Variants in AGAP1 observed in about 807,000 individuals in gnomAD.
The protein encoded by AGAP1 is arf-GAP with GTPase, ANK repeat and PH domain-containing protein 1.
Under a neutral mutation model 105.3 loss-of-function variants are expected in AGAP1, and 29 were observed. The ratio of observed to expected loss-of-function variants is 0.28; its 90% CI spans 0.21 to 0.38. The LOEUF is 0.38. AGAP1 is among the 10% of genes least tolerant of loss of function. AGAP1 has a pLI of 1.00. For missense variants in AGAP1, 998 were observed against 1,165.1 expected (o/e 0.86, Z 2.09); for synonymous variants, 509 against 485.9 (o/e 1.05, Z -0.63).
At chr2:236,098,616 TTTCC>T (rs2059252835) in intron 16 of AGAP1, among the ~76,000 whole-genome samples, 1 of 88,208 alleles carries the variant, frequency 1.1e-5, no homozygotes, top group African/African-American at 4.4e-5. Context: ...GAAATCTTTT[TTTCC>T]TTTTTTTTTT....
At chr2:235,547,311 A>G (rs1229380189) in intron 1 of AGAP1, among the ~76,000 whole-genome samples, 1 of 150,066 alleles carries the variant, frequency 6.7e-6, no homozygotes, top group African/African-American at 2.5e-5. Flanking sequence ...CTTTCCTCCT[A>G]TCACCTGAAT....
chr2:235,610,607 C>G lies in AGAP1; in HGVS notation c.164-98572C>G, dbSNP rs1222343729. Among the ~76,000 whole-genome samples the G allele has an allele frequency of 6.6e-6, 1 of 152,164 alleles. No homozygotes were observed. Among genetic ancestry groups the G allele is most frequent in the African/African-American group, 2.4e-5 (1 of 41,434 alleles). The stretch of plus-strand genomic sequence containing the variant: ...CCTTCCAAAGATCCCACCTCAGATA[C>G]CATCGCATTGGGGGTTGAGCTTTAA... On this transcript the variant is annotated intron_variant, in intron 1 of 17. Coordinates refer to ENST00000304032, the MANE Select transcript of AGAP1 (RefSeq NM_001037131.3). The surrounding 1 kb of genome is among the most constrained non-coding windows in gnomAD (Gnocchi z 4.9).
chr2:235,981,542 G>T lies in AGAP1; in HGVS notation c.1645+12919G>T, dbSNP rs533936846. On this transcript the variant is annotated intron_variant, in intron 13 of 17. Transcript: ENST00000304032. The surrounding 1 kb of genome is among the most constrained non-coding windows in gnomAD (Gnocchi z 5.5). ...TTTTCTACCAGAATACACATTTAGT[G>T]ATGCCTCTTTCAAAGAGGAAATCAA... Among the ~76,000 whole-genome samples, 2 of 152,120 alleles carry T rather than the reference G, an allele frequency of 1.3e-5. No homozygotes were observed. Among genetic ancestry groups the T allele is most frequent in the Non-Finnish European group, 2.9e-5 (2 of 68,000 alleles).
rs1005106635 is a variant in AGAP1, at chr2:235,689,705, A to G, written c.164-19474A>G. ...ACATTTCCACTCATTTGAGAGTTCC[A>G]CTTTTCAGGACAGTCATAGAGCTGC... On this transcript the variant is annotated intron_variant, in intron 1 of 17. Coordinates refer to ENST00000304032, the MANE Select transcript of AGAP1 (RefSeq NM_001037131.3). This position sits in a 1 kb window ranked among gnomAD's most constrained non-coding sequence, Gnocchi z 4.2. 2.6e-5 allele frequency among the ~76,000 whole-genome samples: 4 copies of G among 152,188 alleles called. No homozygotes were observed. Among genetic ancestry groups the G allele is most frequent in the African/African-American group, 9.6e-5 (4 of 41,464 alleles).
intron 1 of AGAP1, among the ~76,000 whole-genome samples, chr2:235,603,291 C>T (rs1945799719): frequency 1.3e-5 from 2 of 152,204 alleles, no homozygotes; most frequent in Non-Finnish European, 2.9e-5. Context: ...TCCCCAGCCA[C>T]TTGGAACTGT....
intron 1 of AGAP1, among the ~76,000 whole-genome samples, chr2:235,532,679 A>G (rs1259372225): frequency 1.3e-5 from 2 of 152,244 alleles, no homozygotes; most frequent in Non-Finnish European, 2.9e-5. Flanking sequence ...AAACTATATT[A>G]AAAACACTCT....
rs367553079 is a variant in AGAP1, at chr2:235,739,517, T to TGG, written c.311-1441_311-1440dup. ...GGCCCTACCGTCTTGTTTCAGTGAC[T>TGG]GGGGGGACAGCAAAATGAGAGTTTA... On this transcript the variant is annotated intron_variant, in intron 3 of 17. Coordinates refer to ENST00000304032, the MANE Select transcript of AGAP1 (RefSeq NM_001037131.3). This position sits in a 1 kb window ranked among gnomAD's most constrained non-coding sequence, Gnocchi z 5.3. Among the ~76,000 whole-genome samples the TGG allele has an allele frequency of 6.6e-6, 1 of 152,206 alleles. No individual in the cohort carries two copies. The highest frequency in any genetic ancestry group is 1.5e-5 in the Non-Finnish European group (1 of 68,024).
chr2:235,592,629 G>C (rs1945386624), intron 1 of AGAP1, among the ~76,000 whole-genome samples: 2 of 152,104 alleles, frequency 1.3e-5, no homozygotes, highest in East Asian at 1.9e-4. Context: ...GAGGGGTGTT[G>C]AACAGGAGTA....
In AGAP1 at chr2:235,988,229, G is replaced by C. The variant is rs1386423880; in HGVS notation, c.1645+19606G>C. On this transcript the variant is annotated intron_variant, in intron 13 of 17. Coordinates refer to ENST00000304032, the MANE Select transcript of AGAP1 (RefSeq NM_001037131.3). This position sits in a 1 kb window ranked among gnomAD's most constrained non-coding sequence, Gnocchi z 4.7. ...AGCTAATTTTTGTGTTTTTAGTAGA[G>C]ACAGGGCTTCACCCTGTTGGCCAGG... 6.6e-6 allele frequency among the ~76,000 whole-genome samples: 1 copy of C among 152,168 alleles called. No homozygotes were observed. The highest frequency in any genetic ancestry group is 1.5e-5 in the Non-Finnish European group (1 of 68,050).
At chr2:235,775,625 G>A (rs1028894766) in intron 6 of AGAP1, 1 of 151,908 alleles carries the variant, frequency 6.6e-6, no homozygotes, top group Non-Finnish European at 1.5e-5. Flanking sequence ...CTCCCACCCC[G>A]CCCCGAGTTA....
rs1256024944 is a variant in AGAP1, at chr2:235,550,883, T to C, written c.163+56034T>C. On this transcript the variant is annotated intron_variant, in intron 1 of 17. Coordinates refer to ENST00000304032, the MANE Select transcript of AGAP1 (RefSeq NM_001037131.3). This position sits in a 1 kb window ranked among gnomAD's most constrained non-coding sequence, Gnocchi z 4.6. ...TCCACCTCCTGGGTCCAAGCAATTC[T>C]CCTGCCTCAGCCTCCTGAGTAGCTG... is the stretch of plus-strand genomic sequence containing the variant. Among the ~76,000 whole-genome samples the C allele has an allele frequency of 6.6e-6, 1 of 152,146 alleles. No individual in the cohort carries two copies. The highest frequency in any genetic ancestry group is 1.5e-5 in the Non-Finnish European group (1 of 68,022).
Position 236,058,805 on chromosome 2 carries a change from A to T in AGAP1, c.2114+9524A>T, listed in dbSNP as rs1028277208. ...CCATTTCCAGATGACATAATCTTTT[A>T]TGTGGAAAATCCTAAGGAACCCATA... On this transcript the variant is annotated intron_variant, in intron 16 of 17. Coordinates refer to ENST00000304032, the MANE Select transcript of AGAP1 (RefSeq NM_001037131.3). This position sits in a 1 kb window ranked among gnomAD's most constrained non-coding sequence, Gnocchi z 4.6. Among the ~76,000 whole-genome samples, 1 of 152,254 alleles carries T rather than the reference A, an allele frequency of 6.6e-6. No homozygotes were observed. Among genetic ancestry groups the T allele is most frequent in the Non-Finnish European group, 1.5e-5 (1 of 68,036 alleles).
chr2:235,643,208 G>A (rs1232068046), intron 1 of AGAP1, among the ~76,000 whole-genome samples: 1 of 151,882 alleles, frequency 6.6e-6, no homozygotes, highest in African/African-American at 2.4e-5. Flanking sequence ...CGAGGCGGGT[G>A]GATCACGAGG....
chr2:235,726,561 A>G (rs1167432848), intron 3 of AGAP1, among the ~76,000 whole-genome samples: 2 of 152,074 alleles, frequency 1.3e-5, no homozygotes, highest in Non-Finnish European at 2.9e-5. Context: ...ACCATCACAC[A>G]CTTTCACCTG....
chr2:235,589,194 GT>G (rs928149334), intron 1 of AGAP1, among the ~76,000 whole-genome samples: 81 of 59,600 alleles, frequency 1.4e-3, no homozygotes, highest in African/African-American at 4.9e-3. Context: ...TTATTGTTTT[GT>G]TTTTTTTTTT....
intron 1 of AGAP1, among the ~76,000 whole-genome samples, chr2:235,604,342 CATG>C (rs1433401692): frequency 6.6e-6 from 1 of 151,686 alleles, no homozygotes; most frequent in Non-Finnish European, 1.5e-5. Context: ...ATTAGCTGAA[CATG>C]GTGGTGTGCA....
At position 235,962,976 on chromosome 2, in the gene AGAP1, G is replaced by A. The variant is rs1006229035; in HGVS notation, c.1484-5486G>A. On this transcript the variant is annotated intron_variant, in intron 12 of 17. Transcript: ENST00000304032. This position sits in a 1 kb window ranked among gnomAD's most constrained non-coding sequence, Gnocchi z 5.3. ...GTTCCTGGAGAACCGGTGGATCTGTGGGAATCCAGAGTCCCATGGGGCTAG... is the reference window on the plus strand; with the variant it reads ...GTTCCTGGAGAACCGGTGGATCTGTAGGAATCCAGAGTCCCATGGGGCTAG... Among the ~76,000 whole-genome samples the A allele has an allele frequency of 6.6e-6, 1 of 152,098 alleles. No homozygotes were observed. Among genetic ancestry groups the A allele is most frequent in the Non-Finnish European group, 1.5e-5 (1 of 68,022 alleles).
chr2:235,932,902 G>A (rs895404704), intron 12 of AGAP1, among the ~76,000 whole-genome samples: 1 of 152,224 alleles, frequency 6.6e-6, no homozygotes, highest in Non-Finnish European at 1.5e-5. Context: ...CAGTACCCAT[G>A]TGAGACTAAA....
intron 6 of AGAP1, among the ~76,000 whole-genome samples, chr2:235,776,778 T>A (rs937943069): frequency 1.3e-5 from 2 of 152,176 alleles, no homozygotes; most frequent in Non-Finnish European, 2.9e-5. Context: ...CACCCTTTCC[T>A]TAGCCTCAAA....
Sources: allele counts gnomAD v4.1 joint callset (sites outside exome capture counted in the v4.1 genomes callset), GRCh38; gene constraint gnomAD v4.1.1; non-coding constraint Gnocchi (gnomAD v3.1); transcripts MANE v1.5; gene names NCBI Gene and HGNC (gene_info 2026-07-23, HGNC 2026-07-21).